Variants in DACH2 observed in about 807,000 individuals in gnomAD.
The protein encoded by DACH2 is dachshund family transcription factor 2.
A neutral mutation model predicts 35.8 loss-of-function variants in DACH2; 17 were observed. The ratio of observed to expected loss-of-function variants is 0.48; its 90% CI spans 0.33 to 0.71. DACH2 has a LOEUF of 0.71. DACH2 is among the 30% of genes least tolerant of loss of function. The pLI is 0.02. For missense variants in DACH2, 469 were observed against 472.7 expected (o/e 0.99, Z 0.07); for synonymous variants, 195 against 177.3 (o/e 1.10, Z -0.79).
At chrX:86,762,994 T>C (rs899392960) in intron 7 of DACH2, among the ~76,000 whole-genome samples, 5 of 111,110 alleles carry the variant, frequency 4.5e-5, no homozygotes, top group African/African-American at 1.6e-4. Context: ...ATTATTTCAC[T>C]CTCTATGTAC....
At chrX:86,580,995 G>T (rs1010167184) in intron 3 of DACH2, among the ~76,000 whole-genome samples, 32 of 111,129 alleles carry the variant, frequency 2.9e-4, no homozygotes, top group African/African-American at 6.9e-4. Flanking sequence ...GAGGGAAGGG[G>T]CAGGTCACCT....
In DACH2 at chrX:86,803,367, C is replaced by T. The variant is rs147239862; in HGVS notation, c.1241-9489C>T. Among the ~76,000 whole-genome samples, 6 of 111,139 alleles carry T rather than the reference C, an allele frequency of 5.4e-5. 1 individual carries two copies. Among genetic ancestry groups the T allele is most frequent in the South Asian group, 3.7e-4 (1 of 2,719 alleles). On this transcript the variant is annotated intron_variant, in intron 7 of 11. Coordinates refer to ENST00000373125, the MANE Select transcript of DACH2 (RefSeq NM_053281.3). ...TGTGACAACTATACAAGCTATTTTTCGAAATTGTAAAATTTCAGTTTGTCA... is the reference window on the plus strand; with the variant it reads ...TGTGACAACTATACAAGCTATTTTTTGAAATTGTAAAATTTCAGTTTGTCA...
At chrX:86,619,348 G>T (rs996750278) in intron 3 of DACH2, among the ~76,000 whole-genome samples, 2 of 111,086 alleles carry the variant, frequency 1.8e-5, no homozygotes, top group African/African-American at 6.5e-5. Flanking sequence ...CTTCTTTCTT[G>T]CAACTAAAAA....
intron 7 of DACH2, among the ~76,000 whole-genome samples, chrX:86,800,151 T>G (rs181207274): frequency 1.7e-4 from 19 of 112,584 alleles, no homozygotes; most frequent in African/African-American, 5.8e-4. Flanking sequence ...AGATTTCTAA[T>G]TAATTGAAAA....
At chrX:86,689,107 A>G (rs1160357726) in intron 4 of DACH2, among the ~76,000 whole-genome samples, 2 of 111,791 alleles carry the variant, frequency 1.8e-5, no homozygotes, top group African/African-American at 3.2e-5. Flanking sequence ...GTTTTAAAGT[A>G]AAAGAGGAGA....
At chrX:86,507,778 AG>A (rs1216045957) in intron 2 of DACH2, among the ~76,000 whole-genome samples, 3 of 112,018 alleles carry the variant, frequency 2.7e-5, no homozygotes, top group Non-Finnish European at 5.6e-5. Context: ...ACATAATGAA[AG>A]GGGTATTTCA....
intron 3 of DACH2, among the ~76,000 whole-genome samples, chrX:86,610,264 C>T (rs1285027244): frequency 9.0e-6 from 1 of 111,306 alleles, no homozygotes; most frequent in African/African-American, 3.3e-5. Flanking sequence ...TATAGTACTG[C>T]CAGAATAATG....
chrX:86,650,329 G>A lies in DACH2; in HGVS notation c.641-707G>A, dbSNP rs768935531. On this transcript the variant is annotated intron_variant, in intron 3 of 11. Transcript: ENST00000373125. ...ATTCATTTGGTCCCTCAGTGTATAA[G>A]TATTAGGCAGATAAAAAGGTAGAAA... 6.3e-5 allele frequency among the ~76,000 whole-genome samples: 7 copies of A among 111,125 alleles called. No individual in the cohort carries two copies. The East Asian group carries it at 2.0e-3, about 32-fold the overall frequency.
intron 5 of DACH2, among the ~76,000 whole-genome samples, chrX:86,700,494 C>A (rs758757910): frequency 8.5e-5 from 9 of 105,483 alleles, no homozygotes; most frequent in Non-Finnish European, 1.7e-4. Flanking sequence ...GAATTAAACC[C>A]TTTATTATTA....
chrX:86,432,545 C>G (rs948928176), intron 2 of DACH2, among the ~76,000 whole-genome samples: 2 of 111,780 alleles, frequency 1.8e-5, no homozygotes, highest in African/African-American at 6.5e-5. Context: ...TGGAAGAACA[C>G]TGAGGTGTTT....
chrX:86,769,959 C>T (rs1281700429), intron 7 of DACH2, among the ~76,000 whole-genome samples: 3 of 104,869 alleles, frequency 2.9e-5, no homozygotes, highest in African/African-American at 3.5e-5. Flanking sequence ...CCCAGGAGTT[C>T]GCAACCAGAC....
At chrX:86,422,300 A>C (rs1452844464) in intron 2 of DACH2, among the ~76,000 whole-genome samples, 5 of 111,115 alleles carry the variant, frequency 4.5e-5, no homozygotes, top group African/African-American at 1.6e-4. Context: ...ATAGTTTCAA[A>C]AGACTATTTT....
intron 3 of DACH2, among the ~76,000 whole-genome samples, chrX:86,626,445 A>G (rs1388961956): frequency 1.8e-5 from 2 of 112,517 alleles, no homozygotes; most frequent in South Asian, 7.3e-4. Context: ...TGGAACTACT[A>G]TTCTGGAGAC....
At chrX:86,616,001 C>T (rs1475991053) in intron 3 of DACH2, among the ~76,000 whole-genome samples, 1 of 110,783 alleles carries the variant, frequency 9.0e-6, no homozygotes, top group Non-Finnish European at 1.9e-5. Flanking sequence ...CATTTAGCTC[C>T]CATTTATAAG....
chrX:86,484,926 A>G (rs892945151), intron 2 of DACH2, among the ~76,000 whole-genome samples: 1 of 111,965 alleles, frequency 8.9e-6, no homozygotes, highest in Admixed American at 9.5e-5. Flanking sequence ...TGGGAGGTTA[A>G]TACAGTGTAT....
intron 3 of DACH2, among the ~76,000 whole-genome samples, chrX:86,548,846 C>T (rs371194602): frequency 2.1e-4 from 24 of 112,058 alleles, no homozygotes; most frequent in African/African-American, 7.1e-4. Context: ...CTGCTTATTT[C>T]GTGATACATA....
At chrX:86,408,470 G>A (rs55728341) in intron 2 of DACH2, among the ~76,000 whole-genome samples, 1 of 111,705 alleles carries the variant, frequency 9.0e-6, no homozygotes, top group Non-Finnish European at 1.9e-5. Flanking sequence ...TTCTAATATA[G>A]ATGGAGTGAA....
chrX:86,284,466 G>A (rs1413392217), intron 1 of DACH2, among the ~76,000 whole-genome samples: 2 of 110,949 alleles, frequency 1.8e-5, no homozygotes, highest in East Asian at 2.8e-4. Context: ...GATCTTTTAC[G>A]TTTATTGTTG....
chrX:86,818,358 T>G (rs2042473215), intron 11 of DACH2, among the ~76,000 whole-genome samples: 1 of 111,327 alleles, frequency 9.0e-6, no homozygotes, highest in African/African-American at 3.2e-5. Flanking sequence ...GAACTAATCT[T>G]AAATAGAGTT....
Sources: gnomAD v4.1 joint callset for allele counts (sites outside exome capture counted in the v4.1 genomes callset) on GRCh38, gnomAD v4.1.1 for gene constraint, MANE v1.5 for transcripts, NCBI Gene and HGNC (gene_info 2026-07-23, HGNC 2026-07-21) for gene names.